NETO1: variants seen among roughly 807,000 people sequenced by gnomAD.
NETO1 encodes neuropilin and tolloid like 1, also known as neuropilin and tolloid-like protein 1.
NETO1 carries 26 observed loss-of-function variants against 61.3 expected under a neutral mutation model. The observed-to-expected ratio is 0.42, with a 90% confidence interval of 0.31 to 0.59. The LOEUF (loss-of-function observed/expected upper bound fraction) is 0.59, where lower values mean the gene tolerates loss of function less well. Among genes scored for constraint, NETO1 ranks in the 20% least tolerant of loss-of-function variants. The pLI is 0.12. For synonymous variants in NETO1, 225 were observed against 225.8 expected, an observed-to-expected ratio of 1.00 and a Z score of 0.03; for missense variants, 531 against 662.8, an observed-to-expected ratio of 0.80 and a Z score of 2.18.
intron 4 of NETO1, among the ~76,000 whole-genome samples, chr18:72,795,184 G>C (rs2072268361): frequency 6.6e-6 from 1 of 152,136 alleles, no homozygotes. Flanking sequence ...TCTCGTTCTT[G>C]TTCCTGGAAT....
Position 72,756,105 on chromosome 18 carries a change from C to T in NETO1, c.911G>A (p.Cys304Tyr). 6.2e-7 allele frequency: 1 copy of T among 1,609,596 alleles called. No homozygotes were observed. Among genetic ancestry groups the T allele is most frequent in the Non-Finnish European group, 8.5e-7 (1 of 1,176,464 alleles). Reference sequence around the variant, plus strand: ...ATTGCAGACCAAAGTATTATTAATACACATGTTACTATGGCAGAAGAATGT... The same window carrying T: ...ATTGCAGACCAAAGTATTATTAATATACATGTTACTATGGCAGAAGAATGT... ...GNTFFCHSNM[C>Y]INNTLVCNGL... is the part of the protein sequence containing the mutation. The change falls in exon 8 of 11, where the codon TGT becomes TAT. Residue 304 changes from cysteine to tyrosine, a missense_variant. Cys to Tyr is a radical substitution (Grantham distance 194). Coordinates refer to ENST00000327305, the MANE Select transcript of NETO1 (RefSeq NM_138966.5).
chr18:72,758,646 G>A (rs928748652), intron 7 of NETO1, among the ~76,000 whole-genome samples: 12 of 152,142 alleles, frequency 7.9e-5, no homozygotes, highest in African/African-American at 2.6e-4. Context: ...AGACCAACCC[G>A]GCCAACATGG....
chr18:72,835,340 A>AAAG (rs1183558616), intron 4 of NETO1: 1 of 1,590,816 alleles, frequency 6.3e-7, no homozygotes, highest in Admixed American at 1.7e-5. Context: ...AGAGGTAATT[A>AAAG]AAGAAGTTTA....
chr18:72,842,809 A>G lies in NETO1; in HGVS notation c.469+16017T>C, dbSNP rs188125079. Among the ~76,000 whole-genome samples the G allele has an allele frequency of 2.9e-3, 440 of 152,328 alleles. 1 individual carries two copies. Among genetic ancestry groups the G allele is most frequent in the African/African-American group, 9.4e-3 (392 of 41,588 alleles). ...GATGGCAATAATACGTCATAGGTATAGCACACCTCATAGGTATAGCATACC... is the reference window on the plus strand; with the variant it reads ...GATGGCAATAATACGTCATAGGTATGGCACACCTCATAGGTATAGCATACC... On this transcript the variant is annotated intron_variant, in intron 4 of 10. Transcript: ENST00000327305.
chr18:72,849,413 T>C (rs1164947125), intron 4 of NETO1, among the ~76,000 whole-genome samples: 1 of 152,202 alleles, frequency 6.6e-6, no homozygotes, highest in African/African-American at 2.4e-5. Context: ...GATTTAGGTA[T>C]TCTTTAAGAC....
intron 4 of NETO1, among the ~76,000 whole-genome samples, chr18:72,836,581 C>A (rs558109742): frequency 6.6e-6 from 1 of 151,954 alleles, no homozygotes; most frequent in Non-Finnish European, 1.5e-5. Context: ...AATAAATGAA[C>A]GAGTTAAGAA....
At chr18:72,777,439 C>CAA (rs1301350747) in intron 7 of NETO1, among the ~76,000 whole-genome samples, 14 of 76,442 alleles carry the variant, frequency 1.8e-4, no homozygotes, top group African/African-American at 9.6e-4. Context: ...AACAAAACAA[C>CAA]AACAAAAAAA....
chr18:72,865,044 T>A, intron 2 of NETO1, 99 bp from the exon 3 acceptor site: 4 of 1,440,046 alleles, frequency 2.8e-6, no homozygotes, highest in Non-Finnish European at 3.8e-6. Context: ...AGTAAATTAA[T>A]TTTTAAATGT....
At chr18:72,852,283 C>T (rs1332941303) in intron 4 of NETO1, among the ~76,000 whole-genome samples, 1 of 152,270 alleles carries the variant, frequency 6.6e-6, no homozygotes, top group Non-Finnish European at 1.5e-5. Context: ...GGCATGATCT[C>T]GGCTCACTGC....
chr18:72,846,504 CAAAAAA>C (rs35252443), intron 4 of NETO1, among the ~76,000 whole-genome samples: 34 of 12,992 alleles, frequency 2.6e-3, no homozygotes, highest in Non-Finnish European at 3.6e-3. Context: ...GACTTCATCT[CAAAAAA>C]AAAAAAAAAA....
chr18:72,754,151 A>G (rs754990523), intron 8 of NETO1, among the ~76,000 whole-genome samples: 6 of 152,166 alleles, frequency 3.9e-5, no homozygotes, highest in Admixed American at 3.3e-4. Flanking sequence ...GCTAAGCTGT[A>G]TGTTTTAAGT....
At chr18:72,796,652 A>C (rs953816085) in intron 4 of NETO1, among the ~76,000 whole-genome samples, 11 of 151,892 alleles carry the variant, frequency 7.2e-5, no homozygotes, top group Non-Finnish European at 1.3e-4. Flanking sequence ...AATTTTTTGT[A>C]CTTTTAGTAG....
intron 4 of NETO1, among the ~76,000 whole-genome samples, chr18:72,810,690 G>A (rs1162081382): frequency 6.6e-6 from 1 of 152,162 alleles, no homozygotes; most frequent in Non-Finnish European, 1.5e-5. Context: ...AGCTGTTTAT[G>A]AGATACCTGC....
chr18:72,841,074 A>G (rs1180134377), intron 4 of NETO1, among the ~76,000 whole-genome samples: 3 of 152,154 alleles, frequency 2.0e-5, no homozygotes, highest in South Asian at 4.1e-4. Flanking sequence ...CTCTTCTTCT[A>G]GCTGCTGTTT....
chr18:72,851,221 G>C (rs567827249), intron 4 of NETO1, among the ~76,000 whole-genome samples: 4 of 152,246 alleles, frequency 2.6e-5, no homozygotes, highest in Non-Finnish European at 5.9e-5. Context: ...AGACCAGCCT[G>C]ATCAACGTGG....
At chr18:72,807,709 G>T (rs1286000370) in intron 4 of NETO1, among the ~76,000 whole-genome samples, 1 of 113,664 alleles carries the variant, frequency 8.8e-6, no homozygotes, top group Non-Finnish European at 1.8e-5. Flanking sequence ...GAACAATGAA[G>T]ACAAGAACAC....
intron 4 of NETO1, among the ~76,000 whole-genome samples, chr18:72,798,750 A>C (rs1357966463): frequency 6.6e-6 from 1 of 152,328 alleles, no homozygotes; most frequent in South Asian, 2.1e-4. Flanking sequence ...TTAAAGACCC[A>C]ATGATGAGAC....
At chr18:72,863,585 T>C (rs2074645633) in intron 3 of NETO1, among the ~76,000 whole-genome samples, 1 of 152,254 alleles carries the variant, frequency 6.6e-6, no homozygotes, top group South Asian at 2.1e-4. Flanking sequence ...CTTCTTACAG[T>C]GTGGTTTATC....
intron 7 of NETO1, among the ~76,000 whole-genome samples, chr18:72,757,140 T>C (rs1309248310): frequency 6.6e-6 from 1 of 152,154 alleles, no homozygotes; most frequent in Non-Finnish European, 1.5e-5. Flanking sequence ...ACAGGCATTC[T>C]AGCAAAATCT....
Sources: gnomAD v4.1 joint callset for allele counts (sites outside exome capture counted in the v4.1 genomes callset) on GRCh38, gnomAD v4.1.1 for gene constraint, MANE v1.5 for transcripts, NCBI Gene and HGNC (gene_info 2026-07-23, HGNC 2026-07-21) for gene names.